The following ADCY2 variants were observed in gnomAD, a reference collection of about 807,000 sequenced individuals.
ADCY2 encodes the protein adenylate cyclase type 2.
Under a neutral mutation model 125.2 loss-of-function variants are expected in ADCY2, and 31 were observed. The ratio of observed to expected loss-of-function variants is 0.25; its 90% CI spans 0.19 to 0.33. ADCY2 has a LOEUF of 0.33. ADCY2 is among the 10% of genes least tolerant of loss of function. The pLI is 1.00. For synonymous variants in ADCY2, 512 were observed against 548.4 expected (o/e 0.93, Z 0.93); for missense variants, 904 against 1,418.2 (o/e 0.64, Z 5.82).
At chr5:7,661,938 C>G (rs942578157) in intron 4 of ADCY2, among the ~76,000 whole-genome samples, 6 of 152,174 alleles carry the variant, frequency 3.9e-5, no homozygotes, top group African/African-American at 1.2e-4. Context: ...CAGATGATAT[C>G]TCCATAGCAT....
intron 2 of ADCY2, among the ~76,000 whole-genome samples, chr5:7,519,885 T>C (rs1227822732): frequency 2.0e-5 from 3 of 152,334 alleles, no homozygotes; most frequent in Admixed American, 6.5e-5. Context: ...TTATTCTGGA[T>C]ATTTGATGTA....
At chr5:7,478,223 A>G (rs1041833495) in intron 2 of ADCY2, among the ~76,000 whole-genome samples, 2 of 152,100 alleles carry the variant, frequency 1.3e-5, no homozygotes, top group African/African-American at 4.8e-5. Context: ...CTCTCTCTGA[A>G]CTGTTGGGTA....
At chr5:7,569,251 G>A (rs1002880924) in intron 3 of ADCY2, among the ~76,000 whole-genome samples, 16 of 152,080 alleles carry the variant, frequency 1.1e-4, no homozygotes, top group Non-Finnish European at 2.1e-4. Flanking sequence ...GGATACCGCA[G>A]GACAGAATCT....
At chr5:7,540,611 GA>G (rs1734964670) in intron 3 of ADCY2, among the ~76,000 whole-genome samples, 1 of 152,176 alleles carries the variant, frequency 6.6e-6, no homozygotes, top group South Asian at 2.1e-4. Flanking sequence ...GCTTGCAGGG[GA>G]CTGTTAAATA....
At chr5:7,748,684 T>A (rs62342479) in intron 15 of ADCY2, among the ~76,000 whole-genome samples, 17,966 of 152,162 alleles carry the variant, frequency 0.12, 1,159 homozygotes, top group Non-Finnish European at 0.13. Flanking sequence ...TAAGAACCTT[T>A]GGAATAAATC....
At chr5:7,650,217 G>GACACACACACACACACACAC (rs3073883) in intron 4 of ADCY2, among the ~76,000 whole-genome samples, 3 of 147,766 alleles carry the variant, frequency 2.0e-5, no homozygotes, top group African/African-American at 5.0e-5. Flanking sequence ...TGCAGGCACA[G>GACACACACACACACACACAC]ACACACACAC....
chr5:7,594,235 G>C (rs901400247), intron 3 of ADCY2, among the ~76,000 whole-genome samples: 2 of 152,166 alleles, frequency 1.3e-5, no homozygotes, highest in African/African-American at 4.8e-5. Flanking sequence ...GAGAGGTGAT[G>C]GTGGCTTGGA....
intron 2 of ADCY2, among the ~76,000 whole-genome samples, chr5:7,476,715 A>G (rs1422802306): frequency 6.6e-6 from 1 of 152,196 alleles, no homozygotes; most frequent in Non-Finnish European, 1.5e-5. Flanking sequence ...AAGGATGGAC[A>G]AGATCAACAG....
intron 20 of ADCY2, chr5:7,795,754 A>G (rs1744399479): frequency 6.6e-6 from 1 of 152,246 alleles, no homozygotes; most frequent in African/African-American, 2.4e-5. Context: ...GACCTCTGCA[A>G]TAAAGTGAAT....
chr5:7,470,948 G>T (rs1397178232), intron 2 of ADCY2, among the ~76,000 whole-genome samples: 1 of 151,722 alleles, frequency 6.6e-6, no homozygotes, highest in Non-Finnish European at 1.5e-5. Flanking sequence ...AAGCTGTGTT[G>T]CTAAGTGCAT....
At chr5:7,587,011 G>C (rs527866044) in intron 3 of ADCY2, among the ~76,000 whole-genome samples, 1 of 152,134 alleles carries the variant, frequency 6.6e-6, no homozygotes, top group South Asian at 2.1e-4. Context: ...CATAGATATA[G>C]GTGATATAGA....
At chr5:7,398,041 T>C (rs1455915288) in intron 1 of ADCY2, among the ~76,000 whole-genome samples, 1 of 152,204 alleles carries the variant, frequency 6.6e-6, no homozygotes, top group Non-Finnish European at 1.5e-5. Flanking sequence ...TACTTATTAT[T>C]TTTTACTTGC....
At chr5:7,747,531 A>C (rs1027021876) in intron 15 of ADCY2, among the ~76,000 whole-genome samples, 6 of 152,254 alleles carry the variant, frequency 3.9e-5, no homozygotes, top group Non-Finnish European at 8.8e-5. Flanking sequence ...GACAGACTCT[A>C]TGTGTCAATG....
intron 4 of ADCY2, among the ~76,000 whole-genome samples, chr5:7,650,729 A>C (rs1739059681): frequency 6.6e-6 from 1 of 152,248 alleles, no homozygotes; most frequent in South Asian, 2.1e-4. Flanking sequence ...TCTCTTAAAA[A>C]TTTCAATTCT....
At chr5:7,659,221 C>A (rs1331409091) in intron 4 of ADCY2, among the ~76,000 whole-genome samples, 1 of 152,228 alleles carries the variant, frequency 6.6e-6, no homozygotes, top group African/African-American at 2.4e-5. Context: ...TTTCCTTATT[C>A]TGCAGCTGTT....
chr5:7,641,264 C>G lies in ADCY2; in HGVS notation c.720+14948C>G, dbSNP rs1330894901. 2.0e-5 allele frequency among the ~76,000 whole-genome samples: 3 copies of G among 152,138 alleles called. No homozygotes were observed. In the East Asian group the frequency reaches 5.8e-4, roughly 29 times the overall value. ...GTAGATTACATGGCAGCCAGACTGT[C>G]CATTACATCTGCCCCAAGATTCACA... is the stretch of plus-strand genomic sequence containing the variant. On this transcript the variant is annotated intron_variant, in intron 4 of 24. Transcript: ENST00000338316.
At chr5:7,397,445 GTTTTTTTTTTTTT>G (rs767411861) in intron 1 of ADCY2, among the ~76,000 whole-genome samples, 1 of 70,098 alleles carries the variant, frequency 1.4e-5, no homozygotes, top group Middle Eastern at 0.012. Context: ...CCACCAGTGA[GTTTTTTTTTTTTT>G]TTTTTTTTTT....
chr5:7,570,392 A>G (rs960158561), intron 3 of ADCY2, among the ~76,000 whole-genome samples: 1 of 152,038 alleles, frequency 6.6e-6, no homozygotes, highest in African/African-American at 2.4e-5. Context: ...TTTTTTCTTC[A>G]ACATTTCATG....
chr5:7,699,803 G>C (rs1217823849), intron 7 of ADCY2, among the ~76,000 whole-genome samples: 1 of 152,088 alleles, frequency 6.6e-6, no homozygotes, highest in Non-Finnish European at 1.5e-5. Flanking sequence ...GCCTAGGCTG[G>C]TCTTGAGCTC....
Sources: allele counts gnomAD v4.1 joint callset (sites outside exome capture counted in the v4.1 genomes callset), GRCh38; gene constraint gnomAD v4.1.1; transcripts MANE v1.5; gene names NCBI Gene and HGNC (gene_info 2026-07-23, HGNC 2026-07-21).